The following MAGI3 variants were observed in gnomAD, a reference collection of about 807,000 sequenced individuals.
MAGI3 encodes the protein membrane-associated guanylate kinase, WW and PDZ domain-containing protein 3.
A neutral mutation model predicts 121.8 loss-of-function variants in MAGI3; 43 were observed. That is an observed-to-expected ratio of 0.35 (90% CI 0.28 to 0.46). The LOEUF (loss-of-function observed/expected upper bound fraction) is 0.46. MAGI3 is among the 20% of genes least tolerant of loss of function. MAGI3 has a pLI of 1.00. For missense variants in MAGI3, 1,547 were observed against 1,797.3 expected, an observed-to-expected ratio of 0.86 and a Z score of 2.52; for synonymous variants, 553 against 639.3, an observed-to-expected ratio of 0.86 and a Z score of 2.04.
chr1:113,648,124 T>A (rs1479916502), intron 12 of MAGI3, among the ~76,000 whole-genome samples: 2 of 152,130 alleles, frequency 1.3e-5, no homozygotes. Flanking sequence ...GGTTTCACCA[T>A]GTTAGTCAAG....
At chr1:113,441,244 G>T (rs1050861076) in intron 1 of MAGI3, among the ~76,000 whole-genome samples, 1 of 152,112 alleles carries the variant, frequency 6.6e-6, no homozygotes, top group Non-Finnish European at 1.5e-5. Context: ...AAAGGGATCT[G>T]CTATAGTTCT....
chr1:113,603,242 G>A (rs948762549), intron 6 of MAGI3, among the ~76,000 whole-genome samples: 9 of 152,034 alleles, frequency 5.9e-5, no homozygotes, highest in African/African-American at 1.9e-4. Flanking sequence ...AAAATCTAGA[G>A]GACTGGATAA....
chr1:113,642,557 G>A (rs1456384466), intron 10 of MAGI3, 41 bp downstream of exon 10: 6 of 1,564,432 alleles, frequency 3.8e-6, no homozygotes, highest in Non-Finnish European at 5.2e-6. Flanking sequence ...CAGTGTTCAA[G>A]CGTTTATATC....
intron 1 of MAGI3, among the ~76,000 whole-genome samples, chr1:113,399,759 A>G (rs1370834590): frequency 6.6e-6 from 1 of 152,180 alleles, no homozygotes; most frequent in Non-Finnish European, 1.5e-5. Flanking sequence ...GAGATGGAAT[A>G]CTTTGGAAGA....
chr1:113,524,636 C>G (rs761268360), intron 1 of MAGI3, among the ~76,000 whole-genome samples: 8 of 151,908 alleles, frequency 5.3e-5, no homozygotes, highest in Non-Finnish European at 8.8e-5. Context: ...GCCTGTATCC[C>G]CATTGTGTCT....
chr1:113,424,837 G>A (rs1326893208), intron 1 of MAGI3, among the ~76,000 whole-genome samples: 2 of 152,118 alleles, frequency 1.3e-5, no homozygotes, highest in Non-Finnish European at 2.9e-5. Context: ...AGATTAGCAC[G>A]TTATGTAAAT....
At chr1:113,583,945 A>C (rs189951782) in intron 3 of MAGI3, among the ~76,000 whole-genome samples, 1 of 152,320 alleles carries the variant, frequency 6.6e-6, no homozygotes, top group East Asian at 1.9e-4. Flanking sequence ...CTGAAAGTCA[A>C]ACTTCCAAAG....
Position 113,497,259 on chromosome 1 carries a change from C to T in MAGI3, c.317-52256C>T, listed in dbSNP as rs1656970847. ...TCCGGTCTACAGCTCCCAGCGTGAG[C>T]GACGCAGAAGACGGGTGATTTCTGC... On this transcript the variant is annotated intron_variant, in intron 1 of 20. Transcript: ENST00000307546. 1.9e-5 allele frequency among the ~76,000 whole-genome samples: 2 copies of T among 107,212 alleles called. 1 individual carries two copies. Among genetic ancestry groups the T allele is most frequent in the Non-Finnish European group, 4.0e-5 (2 of 49,506 alleles). 70.3% of individuals were successfully genotyped at this position (107,212 alleles called of 152,430 possible).
chr1:113,441,266 C>T (rs1204487469), intron 1 of MAGI3, among the ~76,000 whole-genome samples: 3 of 152,138 alleles, frequency 2.0e-5, no homozygotes, highest in Non-Finnish European at 4.4e-5. Context: ...CCTTCTACCC[C>T]TCAGCTTCCT....
chr1:113,459,537 T>C (rs921513391), intron 1 of MAGI3, among the ~76,000 whole-genome samples: 7 of 152,350 alleles, frequency 4.6e-5, no homozygotes, highest in African/African-American at 1.7e-4. Flanking sequence ...CATTCATTCC[T>C]TCTTAAGTTT....
chr1:113,628,315 CTG>C (rs1651370010), intron 9 of MAGI3, among the ~76,000 whole-genome samples: 1 of 152,084 alleles, frequency 6.6e-6, no homozygotes, highest in East Asian at 1.9e-4. Context: ...TGAATAAAAA[CTG>C]TACAATTTAA....
At chr1:113,460,555 A>G (rs535477659) in intron 1 of MAGI3, among the ~76,000 whole-genome samples, 2 of 152,312 alleles carry the variant, frequency 1.3e-5, no homozygotes, top group Non-Finnish European at 2.9e-5. Flanking sequence ...CACGCCTGTA[A>G]TCCCAGCACT....
chr1:113,601,902 A>C (rs918005392), intron 6 of MAGI3, among the ~76,000 whole-genome samples: 8 of 149,570 alleles, frequency 5.3e-5, no homozygotes, highest in African/African-American at 1.7e-4. Context: ...ATAAAAAATG[A>C]TGAGTTCATG....
intron 1 of MAGI3, among the ~76,000 whole-genome samples, chr1:113,514,550 T>A (rs1657788387): frequency 6.7e-6 from 1 of 150,286 alleles, no homozygotes; most frequent in African/African-American, 2.5e-5. Flanking sequence ...CCGCATATTC[T>A]CACTCATAGG....
intron 18 of MAGI3, 137 bp from the exon 19 acceptor site, chr1:113,673,185 C>T: frequency 1.9e-6 from 2 of 1,067,900 alleles, no homozygotes; most frequent in Non-Finnish European, 1.3e-6. Flanking sequence ...TAACCAAAAC[C>T]TACATTCCTT....
At chr1:113,525,673 GATAA>G (rs1410920124) in intron 1 of MAGI3, among the ~76,000 whole-genome samples, 2 of 151,648 alleles carry the variant, frequency 1.3e-5, no homozygotes, top group Admixed American at 1.3e-4. Flanking sequence ...GTTTTTAGAA[GATAA>G]ATAAATAATG....
chr1:113,476,981 CCTT>C (rs1655855351), intron 1 of MAGI3, among the ~76,000 whole-genome samples: 1 of 151,846 alleles, frequency 6.6e-6, no homozygotes, highest in Non-Finnish European at 1.5e-5. Flanking sequence ...TATGTAATAG[CCTT>C]CTTTGTGTCT....
intron 6 of MAGI3, among the ~76,000 whole-genome samples, chr1:113,598,854 A>G (rs1462501004): frequency 6.6e-6 from 1 of 152,190 alleles, no homozygotes; most frequent in African/African-American, 2.4e-5. Flanking sequence ...ATTCTAACCA[A>G]GAACTGCAGA....
chr1:113,541,737 G>A (rs1659296709), intron 1 of MAGI3, among the ~76,000 whole-genome samples: 1 of 152,164 alleles, frequency 6.6e-6, no homozygotes, highest in Non-Finnish European at 1.5e-5. Context: ...GTTAGCTTAT[G>A]GGAATTGCAA....
Sources: gnomAD v4.1 joint callset for allele counts (sites outside exome capture counted in the v4.1 genomes callset) on GRCh38, gnomAD v4.1.1 for gene constraint, MANE v1.5 for transcripts, NCBI Gene and HGNC (gene_info 2026-07-23, HGNC 2026-07-21) for gene names.